The following NRXN1 variants were observed in gnomAD, a reference collection of about 807,000 sequenced individuals.
NRXN1 encodes neurexin-1.
NRXN1 carries 39 observed loss-of-function variants against 150.9 expected under a neutral mutation model. The ratio of observed to expected loss-of-function variants is 0.26; its 90% confidence interval spans 0.20 to 0.34. The LOEUF (loss-of-function observed/expected upper bound fraction) is 0.34, where lower values mean the gene tolerates loss of function less well. Among genes scored for constraint, NRXN1 ranks in the 10% least tolerant of loss-of-function variants. NRXN1 has a pLI of 1.00. For missense variants in NRXN1, 1,815 were observed against 1,949.9 expected (o/e 0.93, Z 1.30); for synonymous variants, 924 against 757.0 (o/e 1.22, Z -3.62).
At position 50,876,859 on chromosome 2, in the gene NRXN1, G is replaced by A. The variant is rs187125173; in HGVS notation, c.832+45010C>T. Among the ~76,000 whole-genome samples the A allele has an allele frequency of 1.0e-3, 154 of 151,724 alleles. 1 individual carries two copies. The highest frequency in any genetic ancestry group is 1.7e-3 in the Non-Finnish European group (118 of 67,804). ...ATATTGGTATTATGAATGACTTAGG[G>A]GGTACATATGGGAGACAAATTTAAA... On this transcript the variant is annotated intron_variant, in intron 5 of 22. Coordinates refer to ENST00000401669, the MANE Select transcript of NRXN1 (RefSeq NM_001330078.2).
intron 5 of NRXN1, among the ~76,000 whole-genome samples, chr2:50,731,417 CA>C (rs1450032075): frequency 6.6e-6 from 1 of 152,082 alleles, no homozygotes; most frequent in Non-Finnish European, 1.5e-5. Context: ...TACCACATAC[CA>C]GGAAACATCT....
chr2:50,605,694 A>T (rs1676984376), intron 8 of NRXN1, among the ~76,000 whole-genome samples: 3 of 152,208 alleles, frequency 2.0e-5, no homozygotes, highest in Admixed American at 6.5e-5. Context: ...CTGTTAGTGA[A>T]CATGCAAAAT....
chr2:50,575,174 G>C (rs1360181635), intron 8 of NRXN1, among the ~76,000 whole-genome samples: 1 of 152,176 alleles, frequency 6.6e-6, no homozygotes, highest in African/African-American at 2.4e-5. Flanking sequence ...TGTTATGCTT[G>C]ATCTTTGGTA....
At chr2:50,277,697 T>G (rs1269056648) in intron 17 of NRXN1, among the ~76,000 whole-genome samples, 1 of 152,076 alleles carries the variant, frequency 6.6e-6, no homozygotes, top group African/African-American at 2.4e-5. Context: ...CTGGACTGCT[T>G]TGGTAGCACA....
intron 22 of NRXN1, among the ~76,000 whole-genome samples, chr2:49,933,287 C>T (rs1022101527): frequency 2.2e-4 from 33 of 151,976 alleles, no homozygotes; most frequent in Non-Finnish European, 7.4e-5. Flanking sequence ...GGGGTTTCAC[C>T]GTGTTAGCCA....
intron 21 of NRXN1, among the ~76,000 whole-genome samples, chr2:50,027,406 C>T (rs1419637720): frequency 1.3e-5 from 2 of 149,910 alleles, no homozygotes; most frequent in African/African-American, 4.9e-5. Flanking sequence ...TCCTTCCTCC[C>T]TCCCTCCCTC....
intron 8 of NRXN1, among the ~76,000 whole-genome samples, chr2:50,599,011 A>G (rs560839440): frequency 5.9e-5 from 9 of 151,998 alleles, no homozygotes; most frequent in Non-Finnish European, 1.2e-4. Context: ...ACCTAAAGTG[A>G]TCCACTCGCC....
At chr2:50,360,139 A>G (rs537208171) in intron 17 of NRXN1, among the ~76,000 whole-genome samples, 1 of 152,224 alleles carries the variant, frequency 6.6e-6, no homozygotes, top group Non-Finnish European at 1.5e-5. Context: ...ACCAGTTACC[A>G]GTCACTGTAA....
intron 18 of NRXN1, among the ~76,000 whole-genome samples, chr2:50,202,684 A>G (rs1421252907): frequency 6.6e-6 from 1 of 152,174 alleles, no homozygotes; most frequent in Admixed American, 6.6e-5. Context: ...GGCTAAATAA[A>G]CATATTAAGG....
At position 50,650,462 on chromosome 2, in the gene NRXN1, C is replaced by T. The variant is rs140758482; in HGVS notation, c.833-26847G>A. 1.0e-3 allele frequency among the ~76,000 whole-genome samples: 158 copies of T among 152,172 alleles called. 1 individual carries two copies. Among genetic ancestry groups the T allele is most frequent in the Non-Finnish European group, 1.8e-3 (125 of 67,984 alleles). ...GAAGTTTAAACATCGAATAAAAATG[C>T]TTCCAAACAATTAATGCGACAGCAA... On this transcript the variant is annotated intron_variant, in intron 5 of 22. Transcript: ENST00000401669.
At chr2:50,689,900 GTT>G (rs1491177174) in intron 5 of NRXN1, among the ~76,000 whole-genome samples, 1 of 139,648 alleles carries the variant, frequency 7.2e-6, no homozygotes, top group Non-Finnish European at 1.6e-5. Flanking sequence ...GTGTGTGTGT[GTT>G]TGAGACGGAG....
At chr2:50,265,875 A>G (rs2068774887) in intron 17 of NRXN1, among the ~76,000 whole-genome samples, 1 of 152,064 alleles carries the variant, frequency 6.6e-6, no homozygotes, top group African/African-American at 2.4e-5. Context: ...TTACATCTTC[A>G]AATGCAAGAG....
At chr2:50,769,285 T>C (rs1048935661) in intron 5 of NRXN1, among the ~76,000 whole-genome samples, 1 of 152,000 alleles carries the variant, frequency 6.6e-6, no homozygotes, top group Non-Finnish European at 1.5e-5. Context: ...AACAAGTCTA[T>C]AGCATCACAG....
chr2:50,489,553 A>T (rs1316462665), intron 15 of NRXN1, among the ~76,000 whole-genome samples: 1 of 142,294 alleles, frequency 7.0e-6, no homozygotes, highest in Non-Finnish European at 1.5e-5. Flanking sequence ...ACCTCCCCTG[A>T]GCAGATTTCT....
At chr2:50,770,121 A>C (rs1339484811) in intron 5 of NRXN1, among the ~76,000 whole-genome samples, 1 of 152,100 alleles carries the variant, frequency 6.6e-6, no homozygotes, top group Admixed American at 6.6e-5. Flanking sequence ...TTGACAGGTG[A>C]ACAAGATTTG....
chr2:50,025,024 C>T (rs897626342), intron 21 of NRXN1, among the ~76,000 whole-genome samples: 1 of 152,140 alleles, frequency 6.6e-6, no homozygotes, highest in Non-Finnish European at 1.5e-5. Flanking sequence ...ACTGTTCACT[C>T]AGCCTATATA....
At chr2:50,534,433 C>A (rs996111245) in intron 10 of NRXN1, among the ~76,000 whole-genome samples, 1 of 151,978 alleles carries the variant, frequency 6.6e-6, no homozygotes, top group Non-Finnish European at 1.5e-5. Flanking sequence ...TCCAATTAGA[C>A]AAAAAGTTTC....
intron 8 of NRXN1, among the ~76,000 whole-genome samples, chr2:50,564,174 T>A (rs1357498851): frequency 6.6e-6 from 1 of 152,240 alleles, no homozygotes; most frequent in Non-Finnish European, 1.5e-5. Context: ...CTGAAATAAT[T>A]TCCCTCTTTA....
rs1024698593 is a variant in NRXN1, at chr2:49,992,512, G to A, written c.4129-48721C>T. On this transcript the variant is annotated intron_variant, in intron 21 of 22. Coordinates refer to ENST00000401669, the MANE Select transcript of NRXN1 (RefSeq NM_001330078.2). ...GGGAAATTGCTTGAACTTGGGAGGC[G>A]GAGGTTGCAGTGAGCCCTTCCTGCC... 6.6e-5 allele frequency among the ~76,000 whole-genome samples: 10 copies of A among 152,090 alleles called. No homozygotes were observed. In the East Asian group the frequency reaches 9.7e-4, roughly 15 times the overall value.
Sources: allele counts gnomAD v4.1 joint callset (sites outside exome capture counted in the v4.1 genomes callset), GRCh38; gene constraint gnomAD v4.1.1; transcripts MANE v1.5; gene names NCBI Gene and HGNC (gene_info 2026-07-23, HGNC 2026-07-21).